Variants in CASZ1 observed in about 807,000 individuals in gnomAD.
CASZ1 encodes the protein castor zinc finger 1.
A neutral mutation model predicts 135.2 loss-of-function variants in CASZ1; 28 were observed. That is an observed-to-expected ratio of 0.21 (90% CI 0.15 to 0.28). The LOEUF is 0.28. CASZ1 is among the 10% of genes least tolerant of loss of function. The probability of loss-of-function intolerance (pLI) is 1.00; values close to 1 mark genes in which losing one functional copy is unlikely to be tolerated. For synonymous variants in CASZ1, 1,068 were observed against 1,073.4 expected (o/e 0.99, Z 0.10); for missense variants, 2,161 against 2,453.3 (o/e 0.88, Z 2.52).
At position 10,660,061 on chromosome 1, in the gene CASZ1, G is replaced by T. The variant is rs367590246; in HGVS notation, c.981C>A (p.Pro327=). ...QKLKTGENLR[P]QNGSTYKKPS... ...GCTTCTTGTAGGTGCTCCCGTTCTG[G>T]GGCCGCAGATTCTCGCCGGTCTTCA... Residue 327 remains proline, a synonymous_variant, in exon 6 of 21, where the codon CCC becomes CCA. Transcript: ENST00000377022. 1 of 1,614,172 alleles carries T rather than the reference G, an allele frequency of 6.2e-7. No individual in the cohort carries two copies. Among genetic ancestry groups the T allele is most frequent in the Non-Finnish European group, 8.5e-7 (1 of 1,180,012 alleles).
In CASZ1 at chr1:10,697,167, A is replaced by C. The variant is rs1287082521; in HGVS notation, c.-23-3255T>G. 6.6e-6 allele frequency among the ~76,000 whole-genome samples: 1 copy of C among 152,234 alleles called. No homozygotes were observed. The highest frequency in any genetic ancestry group is 1.5e-5 in the Non-Finnish European group (1 of 68,044). On this transcript the variant is annotated intron_variant, in intron 3 of 20. Coordinates refer to ENST00000377022, the MANE Select transcript of CASZ1 (RefSeq NM_001079843.3). The surrounding 1 kb of genome is among the most constrained non-coding windows in gnomAD (Gnocchi z 4.7). Reference sequence around the variant, plus strand: ...GAGCGCAAGGATTTATGAAGGTCAGAGAAGGCGGCGGAGGCTTCGAGGTTG... The same window carrying C: ...GAGCGCAAGGATTTATGAAGGTCAGCGAAGGCGGCGGAGGCTTCGAGGTTG...
intron 11 of CASZ1, chr1:10,653,168 C>T (rs560180541): frequency 1.9e-5 from 12 of 637,096 alleles, no homozygotes; most frequent in Non-Finnish European, 3.4e-5. Flanking sequence ...AGAAGCATGG[C>T]CCCCCTACTG....
At chr1:10,675,001 T>C (rs1380853052) in intron 4 of CASZ1, among the ~76,000 whole-genome samples, 1 of 151,506 alleles carries the variant, frequency 6.6e-6, no homozygotes, top group African/African-American at 2.4e-5. Flanking sequence ...CCTCCTGTTT[T>C]TCTGTGCTCA....
rs1005409059 is a variant in CASZ1 at position 10,759,559 on chromosome 1, A to C, written c.-77+1142T>G. On this transcript the variant is annotated intron_variant, in intron 2 of 20. Coordinates refer to ENST00000377022, the MANE Select transcript of CASZ1 (RefSeq NM_001079843.3). The surrounding 1 kb of genome is among the most constrained non-coding windows in gnomAD (Gnocchi z 4.2). ...TTGCAAATCTCTGGGCTGTATCCAG[A>C]GCTAGTTCCCTGAGGAGGCATGGCC... Among the ~76,000 whole-genome samples, 1 of 152,148 alleles carries C rather than the reference A, an allele frequency of 6.6e-6. No individual in the cohort carries two copies. Among genetic ancestry groups the C allele is most frequent in the Non-Finnish European group, 1.5e-5 (1 of 68,020 alleles).
chr1:10,785,982 G>A (rs1020478589), intron 1 of CASZ1, among the ~76,000 whole-genome samples: 1 of 152,236 alleles, frequency 6.6e-6, no homozygotes, highest in African/African-American at 2.4e-5. Context: ...AATCGTCCAA[G>A]TGGAGGAAAC....
At chr1:10,642,671 A>G (rs1245050496) in intron 20 of CASZ1, among the ~76,000 whole-genome samples, 188 bp downstream of exon 20, 1 of 152,170 alleles carries the variant, frequency 6.6e-6, no homozygotes, top group East Asian at 1.9e-4. Context: ...GGGCAGTGCC[A>G]GGGAGGCGGG....
chr1:10,654,675 C>CA (rs1642729238), intron 9 of CASZ1, 84 bp from the exon 10 acceptor site: 2 of 1,336,530 alleles, frequency 1.5e-6, no homozygotes, highest in Non-Finnish European at 2.1e-6. Flanking sequence ...TGGCTGGGGC[C>CA]ACTGACTTCC....
intron 2 of CASZ1, among the ~76,000 whole-genome samples, chr1:10,742,996 G>GA (rs111871725): frequency 0.086 from 13,050 of 151,624 alleles, 1,527 homozygotes; most frequent in African/African-American, 0.26. Flanking sequence ...CAAAAAAGAA[G>GA]AAAAAAAAGC....
At position 10,711,242 on chromosome 1, in the gene CASZ1, C is replaced by T. The variant is rs372764506; in HGVS notation, c.-76-5698G>A. Among the ~76,000 whole-genome samples the T allele has an allele frequency of 1.3e-5, 2 of 152,242 alleles. No homozygotes were observed. The highest frequency in any genetic ancestry group is 2.4e-5 in the African/African-American group (1 of 41,468). ...GCAATTGGGTACGCAGGCTGCTTAA[C>T]CTCTCCAGGCCCCAGCTTCTTCCAT... On this transcript the variant is annotated intron_variant, in intron 2 of 20. Transcript: ENST00000377022. This position sits in a 1 kb window ranked among gnomAD's most constrained non-coding sequence, Gnocchi z 4.4.
At position 10,654,155 on chromosome 1, in the gene CASZ1, G is replaced by A. The variant is rs1406433368; in HGVS notation, c.1902C>T (p.His634=). 6.2e-7 allele frequency: 1 copy of A among 1,614,124 alleles called. No individual in the cohort carries two copies. Among genetic ancestry groups the A allele is most frequent in the Non-Finnish European group, 8.5e-7 (1 of 1,180,052 alleles). Residue 634 remains histidine (H), a synonymous_variant, in exon 11 of 21, where the codon CAC becomes CAT. Coordinates refer to ENST00000377022, the MANE Select transcript of CASZ1 (RefSeq NM_001079843.3). Reference sequence around the variant, plus strand: ...CCTTGGCGTAGGCATCGTCCTTGATGTGGTAGCTCTTGTGCTTCTCGATGT... The same window carrying A: ...CCTTGGCGTAGGCATCGTCCTTGATATGGTAGCTCTTGTGCTTCTCGATGT... ...KCDIEKHKSY[H]IKDDAYAKDG... is the part of the protein sequence containing the mutation.
rs1213112540 is a variant in CASZ1 at position 10,637,755 on chromosome 1, G to A, written c.*1187C>T. On this transcript the variant is annotated 3_prime_UTR_variant, in exon 21 of 21. Transcript: ENST00000377022. Reference sequence around the variant, plus strand: ...TCCAGGAAGGGGGATGTTTTGCAAAGGGAACCCAATCTGGGTAGACTGCAC... The same window carrying A: ...TCCAGGAAGGGGGATGTTTTGCAAAAGGAACCCAATCTGGGTAGACTGCAC... The A allele has an allele frequency of 5.9e-5, 9 of 152,284 alleles. 1 individual carries two copies. Among genetic ancestry groups the A allele is most frequent in the Admixed American group, 4.6e-4 (7 of 15,278 alleles). 9.4% of individuals were successfully genotyped at this position (152,284 alleles called of 1,614,324 possible). A position where few individuals can be genotyped will look rare whatever the true frequency, so the allele number is the denominator to read the frequency against.
rs1642039808 is a variant in CASZ1 at position 10,637,779 on chromosome 1, A to G, written c.*1163T>C. The stretch of plus-strand genomic sequence containing the variant: ...AGGGAACCCAATCTGGGTAGACTGC[A>G]CCAGCGAAGAAGCATCCCAAACAAA... On this transcript the variant is annotated 3_prime_UTR_variant, in exon 21 of 21. Coordinates refer to ENST00000377022, the MANE Select transcript of CASZ1 (RefSeq NM_001079843.3). 2.0e-5 allele frequency: 3 copies of G among 152,318 alleles called. No individual in the cohort carries two copies. Among genetic ancestry groups the G allele is most frequent in the Admixed American group, 2.0e-4 (3 of 15,274 alleles). The allele number at this position is 152,318 out of a possible 1,614,324, so 9.4% of individuals were successfully genotyped here.
At position 10,651,082 on chromosome 1, in the gene CASZ1, G is replaced by C. The variant is rs1413847630; in HGVS notation, c.2681-6C>G. 1.9e-5 allele frequency: 29 copies of C among 1,503,252 alleles called. No homozygotes were observed. Among genetic ancestry groups the C allele is most frequent in the Non-Finnish European group, 2.6e-5 (29 of 1,135,894 alleles). 93.1% of individuals were successfully genotyped at this position (1,503,252 alleles called of 1,614,324 possible). A position where few individuals can be genotyped will look rare whatever the true frequency, so the allele number is the denominator to read the frequency against. On this transcript the variant is annotated splice_polypyrimidine_tract_variant and splice_region_variant and intron_variant, in intron 11 of 20. Transcript: ENST00000377022. ...GGTGACCTGCTGCCCGCTTCCTGCA[G>C]GGGAGGGGTGGGAAGATGCGTCAGA...
intron 1 of CASZ1, among the ~76,000 whole-genome samples, chr1:10,790,765 CA>C (rs1224866107): frequency 4.6e-5 from 7 of 151,614 alleles, no homozygotes; most frequent in Non-Finnish European, 1.0e-4. Flanking sequence ...AGGACACACA[CA>C]AAAACCTTGG....
intron 4 of CASZ1, among the ~76,000 whole-genome samples, chr1:10,690,203 A>G (rs1638719883): frequency 6.6e-6 from 1 of 152,226 alleles, no homozygotes; most frequent in Non-Finnish European, 1.5e-5. Context: ...TGGCAGGTCG[A>G]AGGTGTAACC....
At chr1:10,766,080 A>T (rs1640469659) in intron 1 of CASZ1, among the ~76,000 whole-genome samples, 1 of 152,106 alleles carries the variant, frequency 6.6e-6, no homozygotes, top group Non-Finnish European at 1.5e-5. Flanking sequence ...GGTTGGGGAG[A>T]CATGCTCCAC....
rs1396293893 is a variant in CASZ1 at position 10,776,402 on chromosome 1, C to T, written c.-233-15545G>A. On this transcript the variant is annotated intron_variant, in intron 1 of 20. Transcript: ENST00000377022. This position sits in a 1 kb window ranked among gnomAD's most constrained non-coding sequence, Gnocchi z 4.1. ...CTGCCCAGATGGCGCTCACCCCGGG[C>T]ATGGAGCCTGCCCCTTTCTCCACAG... Among the ~76,000 whole-genome samples, 1 of 152,252 alleles carries T rather than the reference C, an allele frequency of 6.6e-6. No homozygotes were observed. Among genetic ancestry groups the T allele is most frequent in the Admixed American group, 6.5e-5 (1 of 15,292 alleles).
At chr1:10,664,161 G>A (rs754618299) in intron 5 of CASZ1, among the ~76,000 whole-genome samples, 32 of 152,202 alleles carry the variant, frequency 2.1e-4, no homozygotes, top group Non-Finnish European at 3.5e-4. Flanking sequence ...TTATGTGGCT[G>A]CGCAGGGCTC....
chr1:10,732,513 C>T (rs868157072), intron 2 of CASZ1, among the ~76,000 whole-genome samples: 25 of 152,250 alleles, frequency 1.6e-4, no homozygotes, highest in African/African-American at 6.0e-4. Context: ...CGATGATTCT[C>T]TGGCCCACAG....
Sources: allele counts gnomAD v4.1 joint callset (sites outside exome capture counted in the v4.1 genomes callset), GRCh38; gene constraint gnomAD v4.1.1; non-coding constraint Gnocchi (gnomAD v3.1); transcripts MANE v1.5; gene names NCBI Gene and HGNC (gene_info 2026-07-23, HGNC 2026-07-21).